The following ATRNL1 variants were observed in gnomAD, a reference collection of about 807,000 sequenced individuals.
ATRNL1 encodes attractin-like protein 1.
ATRNL1 carries 95 observed loss-of-function variants against 182.7 expected under a neutral mutation model. The ratio of observed to expected loss-of-function variants is 0.52; its 90% CI spans 0.44 to 0.62. The LOEUF is 0.62. Among genes scored for constraint, ATRNL1 ranks in the 20% least tolerant of loss-of-function variants. The probability of loss-of-function intolerance (pLI) is 0.00; values close to 1 mark genes in which losing one functional copy is unlikely to be tolerated. For missense variants in ATRNL1, 1,471 were observed against 1,679.5 expected (o/e 0.88, Z 2.17); for synonymous variants, 576 against 568.3 (o/e 1.01, Z -0.19).
At chr10:115,713,288 A>G (rs1947119273) in intron 26 of ATRNL1, among the ~76,000 whole-genome samples, 1 of 152,192 alleles carries the variant, frequency 6.6e-6, no homozygotes, top group Non-Finnish European at 1.5e-5. Context: ...AACATCTTCT[A>G]TCTACCAGAT....
At chr10:115,895,089 C>T (rs1333474546) in intron 28 of ATRNL1, among the ~76,000 whole-genome samples, 1 of 152,168 alleles carries the variant, frequency 6.6e-6, no homozygotes, top group Non-Finnish European at 1.5e-5. Context: ...TCATCAAAAG[C>T]TTCGTATTTT....
intron 27 of ATRNL1, among the ~76,000 whole-genome samples, chr10:115,761,165 C>T (rs1948726726): frequency 1.3e-5 from 2 of 152,168 alleles, no homozygotes; most frequent in South Asian, 4.1e-4. Context: ...TAGCAAAAGG[C>T]TAGTTTTATT....
chr10:115,578,995 A>G (rs373249408), intron 26 of ATRNL1, among the ~76,000 whole-genome samples: 19 of 151,638 alleles, frequency 1.3e-4, no homozygotes, highest in East Asian at 7.8e-4. Context: ...TCATTTTCAC[A>G]TATTTGTGAA....
At chr10:115,256,287 G>A (rs533011861) in intron 10 of ATRNL1, among the ~76,000 whole-genome samples, 17 of 152,060 alleles carry the variant, frequency 1.1e-4, no homozygotes, top group African/African-American at 4.1e-4. Context: ...TTGTTTGGTA[G>A]GCTATTAATT....
chr10:115,929,863 C>T (rs1322952466), intron 28 of ATRNL1, among the ~76,000 whole-genome samples: 1 of 152,012 alleles, frequency 6.6e-6, no homozygotes, highest in African/African-American at 2.4e-5. Flanking sequence ...CCTATATAAA[C>T]ATGTTTTTTT....
At chr10:115,457,488 T>C (rs551263551) in intron 21 of ATRNL1, among the ~76,000 whole-genome samples, 1 of 152,162 alleles carries the variant, frequency 6.6e-6, no homozygotes, top group South Asian at 2.1e-4. Flanking sequence ...GACCTGTCCC[T>C]GTCCACCTAG....
chr10:115,164,051 T>C (rs77352000), intron 6 of ATRNL1, among the ~76,000 whole-genome samples: 13 of 152,318 alleles, frequency 8.5e-5, no homozygotes, highest in African/African-American at 3.1e-4. Context: ...AAGATAACAA[T>C]TGATAGCAAG....
intron 26 of ATRNL1, among the ~76,000 whole-genome samples, chr10:115,571,058 A>C (rs73375332): frequency 0.062 from 9,428 of 152,208 alleles, 921 homozygotes; most frequent in African/African-American, 0.21. Context: ...CCCATTAACT[A>C]AGAGTTCAGC....
intron 26 of ATRNL1, among the ~76,000 whole-genome samples, chr10:115,557,950 C>T (rs1853413742): frequency 6.6e-6 from 1 of 151,514 alleles, no homozygotes; most frequent in African/African-American, 2.4e-5. Flanking sequence ...GAGGCTGAGG[C>T]AGGAGAATTG....
intron 26 of ATRNL1, among the ~76,000 whole-genome samples, chr10:115,624,151 G>A (rs1280663696): frequency 6.6e-6 from 1 of 151,868 alleles, no homozygotes; most frequent in African/African-American, 2.4e-5. Flanking sequence ...AGGCAAAAGT[G>A]CTTTGGACCC....
intron 15 of ATRNL1, among the ~76,000 whole-genome samples, chr10:115,289,498 A>G (rs1852788528): frequency 6.6e-6 from 1 of 152,020 alleles, no homozygotes; most frequent in African/African-American, 2.4e-5. Flanking sequence ...TTCTTCTAGC[A>G]GTTTTATTGT....
chr10:115,557,645 G>T (rs12219585), intron 26 of ATRNL1, among the ~76,000 whole-genome samples: 1 of 152,142 alleles, frequency 6.6e-6, no homozygotes, highest in African/African-American at 2.4e-5. Flanking sequence ...TTTGACTGAA[G>T]TTTGATGAGA....
chr10:115,096,305 T>C (rs138721721), intron 1 of ATRNL1, among the ~76,000 whole-genome samples: 1 of 152,340 alleles, frequency 6.6e-6, no homozygotes, highest in East Asian at 1.9e-4. Context: ...GTTTTTATTA[T>C]GTATACTCTT....
chr10:115,563,641 T>A (rs1853895397), intron 26 of ATRNL1, among the ~76,000 whole-genome samples: 1 of 152,314 alleles, frequency 6.6e-6, no homozygotes, highest in South Asian at 2.1e-4. Context: ...AACATAGTTA[T>A]AATGCTTTAT....
At chr10:115,888,485 GA>G (rs1565463161) in intron 28 of ATRNL1, among the ~76,000 whole-genome samples, 1 of 152,138 alleles carries the variant, frequency 6.6e-6, no homozygotes. Flanking sequence ...GGTTCTTCCA[GA>G]TGGAATGCCC....
intron 21 of ATRNL1, among the ~76,000 whole-genome samples, chr10:115,440,447 T>C (rs1554965492): frequency 1.3e-5 from 2 of 151,992 alleles, no homozygotes; most frequent in Non-Finnish European, 2.9e-5. Context: ...ACATCACCTA[T>C]GAAATACCAA....
chr10:115,893,210 G>A (rs531128181), intron 28 of ATRNL1, among the ~76,000 whole-genome samples: 2 of 152,182 alleles, frequency 1.3e-5, no homozygotes, highest in Non-Finnish European at 2.9e-5. Context: ...GAGGGAAATG[G>A]GGGCAGAACA....
chr10:115,545,382 A>T (rs1852595624), intron 25 of ATRNL1, among the ~76,000 whole-genome samples: 1 of 151,994 alleles, frequency 6.6e-6, no homozygotes. Context: ...ATATTTTCTT[A>T]CACTGTTTAT....
intron 28 of ATRNL1, among the ~76,000 whole-genome samples, chr10:115,916,366 T>C (rs1231613117): frequency 2.0e-5 from 3 of 152,232 alleles, no homozygotes; most frequent in Non-Finnish European, 4.4e-5. Flanking sequence ...GTTCCACACA[T>C]CAAGTCAAGT....
Sources: gnomAD v4.1 joint callset for allele counts (sites outside exome capture counted in the v4.1 genomes callset) on GRCh38, gnomAD v4.1.1 for gene constraint, MANE v1.5 for transcripts, NCBI Gene and HGNC (gene_info 2026-07-23, HGNC 2026-07-21) for gene names.